CCDC171: variants seen among roughly 807,000 people sequenced by gnomAD.
The protein encoded by CCDC171 is coiled-coil domain containing 171.
In CCDC171, 177 loss-of-function variants were observed where a neutral mutation model predicts 168.2. The ratio of observed to expected loss-of-function variants is 1.05; its 90% CI spans 0.93 to 1.19. CCDC171 has a LOEUF of 1.19. Ranked by LOEUF, CCDC171 falls within the 50% of genes most tolerant of loss-of-function variation. CCDC171 has a pLI of 0.00. For missense variants in CCDC171, 1,991 were observed against 1,539.0 expected (o/e 1.29, Z -4.91); for synonymous variants, 687 against 540.8 (o/e 1.27, Z -3.75).
chr9:15,984,947 TG>T (rs1396022684), intron 3 of CCDC171, among the ~76,000 whole-genome samples: 1 of 152,206 alleles, frequency 6.6e-6, no homozygotes, highest in Non-Finnish European at 1.5e-5. Flanking sequence ...ATGAAAGTTT[TG>T]ATGTATTTCT....
At chr9:15,565,710 C>G (rs1403226551) in intron 2 of CCDC171, among the ~76,000 whole-genome samples, 1 of 152,096 alleles carries the variant, frequency 6.6e-6, no homozygotes, top group African/African-American at 2.4e-5. Flanking sequence ...CTTTTTATTG[C>G]TGATTGTATT....
At chr9:16,080,740 G>A in the CCDC171 span, among the ~76,000 whole-genome samples, 1 of 152,012 alleles carries the variant, frequency 6.6e-6, no homozygotes. Flanking sequence ...TTGTCTCTGC[G>A]CCCCTATCTA....
intron 1 of CCDC171, among the ~76,000 whole-genome samples, chr9:15,556,817 T>C (rs2038840552): frequency 6.6e-6 from 1 of 152,118 alleles, no homozygotes; most frequent in South Asian, 2.1e-4. Context: ...TCCTTGCCCA[T>C]GCCTATGTCC....
At chr9:15,616,819 T>G (rs576488115) in intron 6 of CCDC171, among the ~76,000 whole-genome samples, 2 of 152,342 alleles carry the variant, frequency 1.3e-5, no homozygotes, top group South Asian at 4.1e-4. Context: ...TGAGATTACA[T>G]AAGGTTGTTC....
intron 3 of CCDC171, among the ~76,000 whole-genome samples, chr9:15,982,276 G>C (rs889272761): frequency 6.6e-6 from 1 of 152,218 alleles, no homozygotes; most frequent in African/African-American, 2.4e-5. Context: ...ATGGCCCAGC[G>C]TAGTGATGTG....
intron 16 of CCDC171, among the ~76,000 whole-genome samples, chr9:15,740,867 T>C (rs955676449): frequency 1.3e-5 from 2 of 152,204 alleles, no homozygotes; most frequent in African/African-American, 2.4e-5. Context: ...TTTGGTGGAA[T>C]TGTACTACGT....
intron 24 of CCDC171, among the ~76,000 whole-genome samples, chr9:15,917,181 GA>G (rs1468200982): frequency 6.6e-6 from 1 of 151,820 alleles, no homozygotes; most frequent in Non-Finnish European, 1.5e-5. Context: ...ATTAATACTG[GA>G]AGTTAACATT....
chr9:16,097,343 C>G, the CCDC171 span, among the ~76,000 whole-genome samples: 4 of 152,138 alleles, frequency 2.6e-5, no homozygotes, highest in Non-Finnish European at 5.9e-5. Flanking sequence ...ATGCTAGTGT[C>G]TAAGAGAAAA....
intron 9 of CCDC171, among the ~76,000 whole-genome samples, chr9:15,672,898 A>G (rs142738969): frequency 7.7e-4 from 118 of 152,288 alleles, no homozygotes; most frequent in African/African-American, 2.7e-3. Context: ...GAAGAAAGTC[A>G]TTGGTAGCTT....
rs1350122307 is a variant in CCDC171 at position 15,971,819 on chromosome 9, A to G, written c.3964A>G (p.Thr1322Ala). 4 of 1,612,676 alleles carry G rather than the reference A, an allele frequency of 2.5e-6. No homozygotes were observed. The highest frequency in any genetic ancestry group is 4.5e-5 in the East Asian group (2 of 44,870). ...VTMSANANRP[T>A]QIGL is the part of the protein sequence containing the mutation. ...TATGTCTGCTAATGCCAACAGACCAACTCAGATTGGATTATGACTTCATGA... is the reference window on the plus strand; with the variant it reads ...TATGTCTGCTAATGCCAACAGACCAGCTCAGATTGGATTATGACTTCATGA... The change falls in exon 26 of 26, where the codon ACT becomes GCT. Residue 1322 changes from threonine to alanine, a missense_variant. Coordinates refer to ENST00000380701, the MANE Select transcript of CCDC171 (RefSeq NM_173550.4).
At chr9:16,011,358 G>C (rs1000252233) in intron 3 of CCDC171, among the ~76,000 whole-genome samples, 3 of 152,166 alleles carry the variant, frequency 2.0e-5, no homozygotes, top group African/African-American at 7.2e-5. Flanking sequence ...CTGCAAGCTG[G>C]AATGAAAGAT....
intron 24 of CCDC171, among the ~76,000 whole-genome samples, chr9:15,917,232 G>A (rs1245528473): frequency 1.3e-5 from 2 of 151,772 alleles, no homozygotes; most frequent in African/African-American, 4.8e-5. Flanking sequence ...TTGAATAATT[G>A]CCATTTCAGT....
intron 19 of CCDC171, among the ~76,000 whole-genome samples, chr9:15,778,520 C>T (rs190814720): frequency 6.6e-4 from 99 of 151,102 alleles, no homozygotes; most frequent in Non-Finnish European, 1.2e-3. Flanking sequence ...GTGCCTCATG[C>T]CTCTAATCCC....
intron 24 of CCDC171, among the ~76,000 whole-genome samples, chr9:15,915,428 T>C (rs1824362665): frequency 6.6e-6 from 1 of 152,092 alleles, no homozygotes; most frequent in African/African-American, 2.4e-5. Flanking sequence ...TAGATTATTA[T>C]GGGTGTATGG....
intron 2 of CCDC171, among the ~76,000 whole-genome samples, chr9:15,565,844 A>G (rs1309815875): frequency 6.6e-6 from 1 of 152,162 alleles, no homozygotes; most frequent in African/African-American, 2.4e-5. Context: ...GTGTTGACAT[A>G]TGTTTTTGTT....
intron 4 of CCDC171, among the ~76,000 whole-genome samples, chr9:15,589,839 T>C (rs2041853025): frequency 6.6e-6 from 1 of 151,740 alleles, no homozygotes; most frequent in Admixed American, 6.6e-5. Context: ...AGAGAAGAGA[T>C]GAAAAAATTT....
chr9:15,851,801 T>A (rs556420671), intron 23 of CCDC171, among the ~76,000 whole-genome samples: 1 of 151,962 alleles, frequency 6.6e-6, no homozygotes, highest in East Asian at 1.9e-4. Flanking sequence ...TTTTCTGTTC[T>A]GGACATTTAA....
intron 9 of CCDC171, among the ~76,000 whole-genome samples, chr9:15,676,454 A>G (rs2049569820): frequency 6.6e-6 from 1 of 151,620 alleles, no homozygotes; most frequent in Non-Finnish European, 1.5e-5. Flanking sequence ...GCAAATGCAG[A>G]AATCACCCAT....
intron 7 of CCDC171, among the ~76,000 whole-genome samples, chr9:15,644,708 A>G (rs2046899813): frequency 6.6e-6 from 1 of 152,152 alleles, no homozygotes; most frequent in Non-Finnish European, 1.5e-5. Context: ...AGCGCCCACC[A>G]TTGATGAGGC....
Sources: allele counts gnomAD v4.1 joint callset (sites outside exome capture counted in the v4.1 genomes callset), GRCh38; gene constraint gnomAD v4.1.1; transcripts MANE v1.5; gene names NCBI Gene and HGNC (gene_info 2026-07-23, HGNC 2026-07-21).